The following PARD3B variants were observed in gnomAD, a reference collection of about 807,000 sequenced individuals.
PARD3B encodes the protein par-3 family cell polarity regulator beta, also known as partitioning defective 3 homolog B.
Under a neutral mutation model 130.2 loss-of-function variants are expected in PARD3B, and 103 were observed. The observed-to-expected ratio is 0.79, with a 90% CI of 0.67 to 0.93. The LOEUF (loss-of-function observed/expected upper bound fraction) is 0.93, where lower values mean the gene tolerates loss of function less well. Among genes scored for constraint, PARD3B ranks in the 40% least tolerant of loss-of-function variants. The pLI, the probability that PARD3B is intolerant of heterozygous loss-of-function variation, is 0.00. For synonymous variants in PARD3B, 583 were observed against 553.2 expected, an observed-to-expected ratio of 1.05 and a Z score of -0.76; for missense variants, 1,609 against 1,499.2, an observed-to-expected ratio of 1.07 and a Z score of -1.21.
At chr2:205,047,144 A>G (rs951000983) in intron 3 of PARD3B, among the ~76,000 whole-genome samples, 13 of 152,328 alleles carry the variant, frequency 8.5e-5, no homozygotes, top group South Asian at 4.1e-4. Flanking sequence ...TCATCATTCA[A>G]AAGATTTGGA....
At chr2:205,353,329 A>G (rs889455692) in intron 18 of PARD3B, among the ~76,000 whole-genome samples, 2 of 152,212 alleles carry the variant, frequency 1.3e-5, no homozygotes, top group Non-Finnish European at 2.9e-5. Flanking sequence ...TTGATAGTGC[A>G]TTAGTACCGC....
At chr2:205,195,890 A>G (rs554871557) in intron 15 of PARD3B, among the ~76,000 whole-genome samples, 3 of 151,986 alleles carry the variant, frequency 2.0e-5, no homozygotes, top group Non-Finnish European at 2.9e-5. Flanking sequence ...CTCACTTTAT[A>G]AAGTCTGTAG....
At chr2:204,862,623 A>G (rs1402532174) in intron 2 of PARD3B, among the ~76,000 whole-genome samples, 3 of 152,130 alleles carry the variant, frequency 2.0e-5, no homozygotes, top group African/African-American at 7.2e-5. Flanking sequence ...TAAATTCATG[A>G]TTCTCTTTCT....
At chr2:204,822,053 T>C (rs146938458) in intron 2 of PARD3B, among the ~76,000 whole-genome samples, 142 of 152,236 alleles carry the variant, frequency 9.3e-4, no homozygotes, top group Non-Finnish European at 1.7e-3. Context: ...AACTTGGCAA[T>C]GTAAATTGAA....
chr2:204,938,977 G>A (rs1365270820), intron 2 of PARD3B, among the ~76,000 whole-genome samples: 2 of 152,126 alleles, frequency 1.3e-5, no homozygotes, highest in Admixed American at 1.3e-4. Flanking sequence ...AAACATCACA[G>A]CTCCAGGACT....
intron 11 of PARD3B, among the ~76,000 whole-genome samples, chr2:205,170,426 C>T (rs2035091885): frequency 6.6e-6 from 1 of 152,178 alleles, no homozygotes; most frequent in African/African-American, 2.4e-5. Flanking sequence ...AGGAGGCGGT[C>T]CACTTAAACG....
intron 2 of PARD3B, among the ~76,000 whole-genome samples, chr2:204,824,796 G>A (rs1349327155): frequency 6.6e-6 from 1 of 152,162 alleles, no homozygotes; most frequent in Non-Finnish European, 1.5e-5. Context: ...TGCTGAGGCT[G>A]TGAACATTCC....
At chr2:205,251,058 T>G (rs2039825070) in intron 16 of PARD3B, among the ~76,000 whole-genome samples, 1 of 152,202 alleles carries the variant, frequency 6.6e-6, no homozygotes, top group Non-Finnish European at 1.5e-5. Flanking sequence ...CACTAGCACA[T>G]GCCTTATGAA....
At chr2:204,954,913 T>C (rs994156153) in intron 2 of PARD3B, among the ~76,000 whole-genome samples, 2 of 152,362 alleles carry the variant, frequency 1.3e-5, no homozygotes, top group East Asian at 1.9e-4. Flanking sequence ...TTGTCACCAT[T>C]CTCTGCAGAG....
chr2:205,300,759 A>G lies in PARD3B; in HGVS notation c.2392+23A>G. 6.3e-7 allele frequency: 1 copy of G among 1,593,520 alleles called. No individual in the cohort carries two copies. The highest frequency in any genetic ancestry group is 8.6e-7 in the Non-Finnish European group (1 of 1,163,514). ...CTGGTAGGATGATATGCTTCCTTAA[A>G]TGGCTTCTTCATCTCATTATTATCT... On this transcript the variant is annotated intron_variant, in intron 17 of 22. Transcript: ENST00000406610. The surrounding 1 kb of genome is among the most constrained non-coding windows in gnomAD (Gnocchi z 4.1).
chr2:205,574,461 C>T (rs1314406103), intron 22 of PARD3B, among the ~76,000 whole-genome samples: 2 of 152,158 alleles, frequency 1.3e-5, no homozygotes, highest in African/African-American at 4.8e-5. Flanking sequence ...CCACGGGCTG[C>T]AGCTGGACGT....
chr2:204,604,183 AAC>A (rs1254854000), intron 1 of PARD3B, among the ~76,000 whole-genome samples: 1 of 152,166 alleles, frequency 6.6e-6, no homozygotes, highest in African/African-American at 2.4e-5. Flanking sequence ...TAGGAAATAA[AAC>A]AGTCTACTCT....
chr2:205,302,054 T>C (rs1286687165), intron 18 of PARD3B: 2 of 480,024 alleles, frequency 4.2e-6, no homozygotes, highest in African/African-American at 4.6e-5. Flanking sequence ...TCTTTTTTTC[T>C]TTTTTCTTTT....
chr2:205,344,790 T>C (rs937210176), intron 18 of PARD3B, among the ~76,000 whole-genome samples: 6 of 152,172 alleles, frequency 3.9e-5, no homozygotes, highest in Non-Finnish European at 8.8e-5. Context: ...TTGGACTATA[T>C]GTGAAATTGC....
At chr2:205,000,019 G>GT (rs796978993) in intron 3 of PARD3B, among the ~76,000 whole-genome samples, 3,878 of 144,506 alleles carry the variant, frequency 0.027, 110 homozygotes, top group African/African-American at 0.073. Context: ...AAGTCACAGG[G>GT]TTTTTTTTTT....
chr2:204,893,327 C>CA (rs1291526574), intron 2 of PARD3B, among the ~76,000 whole-genome samples: 2 of 151,990 alleles, frequency 1.3e-5, no homozygotes, highest in Non-Finnish European at 2.9e-5. Context: ...GTGAGTGGAG[C>CA]CAGTGCTTTT....
intron 20 of PARD3B, among the ~76,000 whole-genome samples, chr2:205,485,778 T>C (rs1318932423): frequency 6.6e-6 from 1 of 152,132 alleles, no homozygotes; most frequent in Non-Finnish European, 1.5e-5. Flanking sequence ...ATGTGGCCAC[T>C]CCATTTCAAG....
intron 3 of PARD3B, among the ~76,000 whole-genome samples, chr2:205,028,561 C>T (rs931885474): frequency 1.3e-5 from 2 of 152,116 alleles, no homozygotes; most frequent in African/African-American, 4.8e-5. Context: ...TGGGAGTCTT[C>T]AGCCTGAGTG....
intron 1 of PARD3B, among the ~76,000 whole-genome samples, chr2:204,551,985 T>C (rs1309773866): frequency 6.6e-6 from 1 of 152,138 alleles, no homozygotes; most frequent in Non-Finnish European, 1.5e-5. Context: ...CCACTAGACA[T>C]ATGTGGTTGT....
Sources: allele counts gnomAD v4.1 joint callset (sites outside exome capture counted in the v4.1 genomes callset), GRCh38; gene constraint gnomAD v4.1.1; non-coding constraint Gnocchi (gnomAD v3.1); transcripts MANE v1.5; gene names NCBI Gene and HGNC (gene_info 2026-07-23, HGNC 2026-07-21).